Variants in ITGA3 observed in about 807,000 individuals in gnomAD.
ITGA3 encodes the protein integrin subunit alpha 3.
In ITGA3, 70 loss-of-function variants were observed where a neutral mutation model predicts 131.1. That is an observed-to-expected ratio of 0.53 (90% CI 0.44 to 0.65). ITGA3 has a LOEUF of 0.65. ITGA3 is among the 30% of genes least tolerant of loss of function. The pLI is 0.00. For synonymous variants in ITGA3, 537 were observed against 571.6 expected (o/e 0.94, Z 0.86); for missense variants, 1,098 against 1,388.6 (o/e 0.79, Z 3.33).
intron 4 of ITGA3, among the ~76,000 whole-genome samples, chr17:50,069,010 G>A (rs1291647738): frequency 2.0e-5 from 3 of 151,720 alleles, no homozygotes; most frequent in Admixed American, 6.6e-5. Context: ...ACCATGCCCG[G>A]CTAATTTTTT....
chr17:50,069,001 C>T (rs190568426), intron 4 of ITGA3, among the ~76,000 whole-genome samples: 1,649 of 151,876 alleles, frequency 0.011, 31 homozygotes, highest in African/African-American at 0.037. Context: ...GTGCCCGCCA[C>T]CATGCCCGGC....
At chr17:50,074,369 C>G in intron 9 of ITGA3, 79 bp from the exon 10 acceptor site, 1 of 1,597,920 alleles carries the variant, frequency 6.3e-7, no homozygotes, top group Non-Finnish European at 8.6e-7. Context: ...TGCGCTAGCT[C>G]CTTGGAAGCC....
intron 1 of ITGA3, among the ~76,000 whole-genome samples, chr17:50,061,014 G>A (rs561150808): frequency 6.6e-5 from 10 of 152,250 alleles, no homozygotes; most frequent in Admixed American, 4.6e-4. Context: ...CTGCACACCC[G>A]CCTTCCCCCA....
intron 23 of ITGA3, among the ~76,000 whole-genome samples, chr17:50,085,787 AATGTATATTAGATTAT>A (rs1909363818): frequency 8.3e-6 from 1 of 120,876 alleles, no homozygotes; most frequent in Non-Finnish European, 1.9e-5. Flanking sequence ...ATAGATTTAT[AATGTATATTAGATTAT>A]ACATTATAGA....
At chr17:50,065,796 G>A (rs1222089543) in intron 3 of ITGA3, 1 of 152,118 alleles carries the variant, frequency 6.6e-6, no homozygotes, top group African/African-American at 2.4e-5. Flanking sequence ...CACTTTGGGA[G>A]GCCGAGGCCG....
chr17:50,060,513 G>A (rs1908026963), intron 1 of ITGA3, among the ~76,000 whole-genome samples: 1 of 152,198 alleles, frequency 6.6e-6, no homozygotes, highest in African/African-American at 2.4e-5. Flanking sequence ...TAGGGCAGGG[G>A]TAAGGAAGGG....
chr17:50,071,715 C>T, intron 6 of ITGA3, 197 bp downstream of exon 6: 1 of 631,866 alleles, frequency 1.6e-6, no homozygotes, highest in Non-Finnish European at 2.7e-6. Flanking sequence ...TTGCTTGTTT[C>T]TGCTTGGGAT....
rs540704248 is a variant in ITGA3, at chr17:50,077,024, C to G, written c.1973C>G (p.Thr658Arg). The change falls in exon 15 of 26, where the codon ACG becomes AGG. Residue 658 changes from threonine to arginine, a missense_variant. Physicochemically the swap from Thr to Arg is moderately conservative, Grantham distance 71 (BLOSUM62 -1). This residue lies in a region of ITGA3 where 699 missense variants were observed against 829.2 expected (regional missense o/e 0.84). Coordinates refer to ENST00000320031, the MANE Select transcript of ITGA3 (RefSeq NM_002204.4). ...AAATTGCTCCTGAGCATCAACGTGA[C>G]GAACACCCGGACCTCGGAGCGCTCC... ...VRKLLLSINV[T>R]NTRTSERSGE... 1 of 1,611,392 alleles carries G rather than the reference C, an allele frequency of 6.2e-7. No individual in the cohort carries two copies. The highest frequency in any genetic ancestry group is 8.5e-7 in the Non-Finnish European group (1 of 1,178,696).
At chr17:50,083,962 C>A (rs755301048) in intron 23 of ITGA3, among the ~76,000 whole-genome samples, 2 of 151,616 alleles carry the variant, frequency 1.3e-5, no homozygotes, top group Admixed American at 1.3e-4. Context: ...GCTGGCCAGG[C>A]GCTGTGGCTC....
Position 50,058,080 on chromosome 17 carries a change from T to C in ITGA3, c.206+1435T>C, listed in dbSNP as rs774953214. 3.3e-5 allele frequency among the ~76,000 whole-genome samples: 5 copies of C among 152,242 alleles called. No homozygotes were observed. The South Asian group carries it at 8.3e-4, about 25-fold the overall frequency. ...GACTTTCAATGCCAAATCTGCATGA[T>C]ATAAGATAACATAGGTAAAGAGATC... On this transcript the variant is annotated intron_variant, in intron 1 of 25. Coordinates refer to ENST00000320031, the MANE Select transcript of ITGA3 (RefSeq NM_002204.4).
chr17:50,063,126 C>T (rs1365145620), intron 1 of ITGA3, among the ~76,000 whole-genome samples: 3 of 148,376 alleles, frequency 2.0e-5, no homozygotes, highest in African/African-American at 5.3e-5. Flanking sequence ...GCTCCAGCCA[C>T]CCCTCTGGTA....
rs764280092 is a variant in ITGA3 at position 50,089,130 on chromosome 17, C to T, written c.*52C>T. 2 of 1,613,422 alleles carry T rather than the reference C, an allele frequency of 1.2e-6. No homozygotes were observed. Among genetic ancestry groups the T allele is most frequent in the Non-Finnish European group, 1.7e-6 (2 of 1,179,690 alleles). ...TCCAGTGTGACTTCTTTAAGCGGACCCGCTATTATCAGATCATGCCCAAGT... is the reference window on the plus strand; with the variant it reads ...TCCAGTGTGACTTCTTTAAGCGGACTCGCTATTATCAGATCATGCCCAAGT... On this transcript the variant is annotated 3_prime_UTR_variant, in exon 26 of 26. Transcript: ENST00000320031.
At chr17:50,058,715 G>A (rs924018387) in intron 1 of ITGA3, among the ~76,000 whole-genome samples, 9 of 152,168 alleles carry the variant, frequency 5.9e-5, no homozygotes, top group African/African-American at 9.7e-5. Context: ...TCGACCCCTC[G>A]GCCATTTGGG....
intron 7 of ITGA3, 41 bp downstream of exon 7, chr17:50,072,223 AC>A: frequency 6.5e-7 from 1 of 1,549,118 alleles, no homozygotes; most frequent in African/African-American, 1.4e-5. Flanking sequence ...CTCCTCCAGC[AC>A]CCCTCCTCCC....
In ITGA3 at chr17:50,089,684, G is replaced by T; in HGVS notation, c.*606G>T. 5.6e-6 allele frequency: 1 copy of T among 180,126 alleles called. No individual in the cohort carries two copies. The highest frequency in any genetic ancestry group is 1.2e-5 in the Non-Finnish European group (1 of 83,638). 11.2% of individuals were successfully genotyped at this position (180,126 alleles called of 1,614,324 possible). The stretch of plus-strand genomic sequence containing the variant: ...CACACTGGATCCATCTTGAGCCACA[G>T]TCACTGGATTGACTTTGCTGTCAAA... On this transcript the variant is annotated 3_prime_UTR_variant, in exon 26 of 26. Coordinates refer to ENST00000320031, the MANE Select transcript of ITGA3 (RefSeq NM_002204.4).
chr17:50,062,039 C>CAAAA (rs529147794), intron 1 of ITGA3, among the ~76,000 whole-genome samples: 1 of 117,606 alleles, frequency 8.5e-6, no homozygotes, highest in Admixed American at 8.9e-5. Flanking sequence ...GACCCTGTCT[C>CAAAA]AAAAAAAAAA....
rs140293913 is a variant in ITGA3 at position 50,070,516 on chromosome 17, C to T, written c.665-328C>T. On this transcript the variant is annotated intron_variant, in intron 4 of 25. Transcript: ENST00000320031. Reference sequence around the variant, plus strand: ...CAAAAATTAGCCGGGCATGGTGGCGCATGCCTGTAATCCCAGCTACTCGGG... The same window carrying T: ...CAAAAATTAGCCGGGCATGGTGGCGTATGCCTGTAATCCCAGCTACTCGGG... 7.9e-3 allele frequency among the ~76,000 whole-genome samples: 1,198 copies of T among 151,674 alleles called. 12 individuals are homozygous for T. Among genetic ancestry groups the T allele is most frequent in the African/African-American group, 0.027 (1,126 of 41,314 alleles).
chr17:50,073,423 C>A (rs367775358), intron 7 of ITGA3, among the ~76,000 whole-genome samples: 3 of 152,054 alleles, frequency 2.0e-5, no homozygotes, highest in African/African-American at 7.3e-5. Context: ...CACCCCACAG[C>A]ACTCTCGTGA....
In ITGA3 at chr17:50,079,071, C is replaced by G; in HGVS notation, c.2401-5C>G. 1 of 1,612,920 alleles carries G rather than the reference C, an allele frequency of 6.2e-7. No homozygotes were observed. The highest frequency in any genetic ancestry group is 8.5e-7 in the Non-Finnish European group (1 of 1,179,260). On this transcript the variant is annotated splice_region_variant and splice_polypyrimidine_tract_variant and intron_variant, in intron 19 of 25. Coordinates refer to ENST00000320031, the MANE Select transcript of ITGA3 (RefSeq NM_002204.4). ...TAATGACTATGACACATCTTGTGCCCACAGGTGGGCCCAATGGGGGAGGGG... is the reference window on the plus strand; with the variant it reads ...TAATGACTATGACACATCTTGTGCCGACAGGTGGGCCCAATGGGGGAGGGG...
Sources: allele counts gnomAD v4.1 joint callset (sites outside exome capture counted in the v4.1 genomes callset), GRCh38; gene constraint gnomAD v4.1.1; regional missense constraint gnomAD v4.1.1; transcripts MANE v1.5; gene names NCBI Gene and HGNC (gene_info 2026-07-23, HGNC 2026-07-21).